SV2B: variants seen among roughly 807,000 people sequenced by gnomAD.
The protein encoded by SV2B is solute carrier family 22 member B2.
SV2B carries 41 observed loss-of-function variants against 73.9 expected under a neutral mutation model. That is an observed-to-expected ratio of 0.56 (90% confidence interval 0.43 to 0.72). SV2B has a LOEUF of 0.72. Among genes scored for constraint, SV2B ranks in the 30% least tolerant of loss-of-function variants. The probability of loss-of-function intolerance (pLI) is 0.00; values close to 1 mark genes in which losing one functional copy is unlikely to be tolerated. For synonymous variants in SV2B, 314 were observed against 314.2 expected, an observed-to-expected ratio of 1.00 and a Z score of 0.01; for missense variants, 764 against 857.8, an observed-to-expected ratio of 0.89 and a Z score of 1.37.
In SV2B at chr15:91,150,395, C is replaced by T. The variant is rs184354022; in HGVS notation, c.-392+50032C>T. On this transcript the variant is annotated intron_variant, in intron 1 of 12. Coordinates refer to ENST00000394232, the MANE Select transcript of SV2B (RefSeq NM_001323032.3). ...TATTCCTGAGTCAATCAAGTCAGCT[C>T]ATGCTGGGCTGAACCATATTCTTGA... Among the ~76,000 whole-genome samples the T allele has an allele frequency of 5.3e-5, 8 of 152,316 alleles. No homozygotes were observed. In the East Asian group the frequency reaches 1.5e-3, roughly 29 times the overall value.
At chr15:91,183,950 A>C (rs1273475243) in intron 1 of SV2B, among the ~76,000 whole-genome samples, 2 of 143,082 alleles carry the variant, frequency 1.4e-5, no homozygotes, top group African/African-American at 5.0e-5. Flanking sequence ...TGACACCCCA[A>C]ATAATCGCCT....
chr15:91,125,361 C>T (rs74038060), intron 1 of SV2B, among the ~76,000 whole-genome samples: 10,233 of 152,118 alleles, frequency 0.067, 403 homozygotes, highest in South Asian at 0.11. Context: ...GCACTCATGA[C>T]GTCACATGTT....
chr15:91,176,488 C>G (rs1026990564), intron 1 of SV2B, among the ~76,000 whole-genome samples: 2 of 152,100 alleles, frequency 1.3e-5, no homozygotes, highest in Non-Finnish European at 2.9e-5. Context: ...AAGGGTTGAA[C>G]TAGTTTACAG....
At chr15:91,134,198 A>C (rs779771883) in intron 1 of SV2B, among the ~76,000 whole-genome samples, 16 of 151,858 alleles carry the variant, frequency 1.1e-4, no homozygotes, top group Admixed American at 1.0e-3. Context: ...GGGTTTCACC[A>C]TGTTGGCCAG....
intron 1 of SV2B, among the ~76,000 whole-genome samples, chr15:91,145,227 T>G (rs1322920506): frequency 6.6e-6 from 1 of 152,176 alleles, no homozygotes; most frequent in Admixed American, 6.5e-5. Context: ...CACTTATAAG[T>G]GAGAATATGC....
At chr15:91,188,281 A>ATTTT (rs869237738) in intron 1 of SV2B, among the ~76,000 whole-genome samples, 68 of 132,872 alleles carry the variant, frequency 5.1e-4, no homozygotes, top group African/African-American at 1.1e-3. Context: ...AATGTTCCTT[A>ATTTT]TTTTTATTTA....
At chr15:91,164,001 C>A (rs895638514) in intron 1 of SV2B, among the ~76,000 whole-genome samples, 10 of 152,144 alleles carry the variant, frequency 6.6e-5, no homozygotes, top group Admixed American at 1.3e-4. Context: ...GTTTTCCCAG[C>A]ACCATTTATT....
At chr15:91,167,227 C>T (rs933654280) in intron 1 of SV2B, among the ~76,000 whole-genome samples, 1 of 152,162 alleles carries the variant, frequency 6.6e-6, no homozygotes, top group African/African-American at 2.4e-5. Context: ...CTGATAATCT[C>T]AACATCTGGT....
At position 91,141,032 on chromosome 15, in the gene SV2B, C is replaced by T. The variant is rs955239352; in HGVS notation, c.-392+40669C>T. 6.6e-6 allele frequency among the ~76,000 whole-genome samples: 1 copy of T among 152,204 alleles called. No individual in the cohort carries two copies. The highest frequency in any genetic ancestry group is 1.5e-5 in the Non-Finnish European group (1 of 68,026). On this transcript the variant is annotated intron_variant, in intron 1 of 12. Coordinates refer to ENST00000394232, the MANE Select transcript of SV2B (RefSeq NM_001323032.3). This position sits in a 1 kb window ranked among gnomAD's most constrained non-coding sequence, Gnocchi z 4.6. ...TGATGGAAGCCAGAAGTGCTACAAG[C>T]ACTCAGGTGGCAGGACTTATAGCTA... is the stretch of plus-strand genomic sequence containing the variant.
In SV2B at chr15:91,296,736, C is replaced by G. The variant is rs556570483; in HGVS notation, c.*4184C>G. On this transcript the variant is annotated 3_prime_UTR_variant, in exon 13 of 13. Transcript: ENST00000394232. ...TGGGCACACGCTCCTTCTGCCCGAT[C>G]ATGGGCACACGCTCCTTCTGCCCGA... 6.8e-6 allele frequency: 1 copy of G among 146,186 alleles called. No homozygotes were observed. Among genetic ancestry groups the G allele is most frequent in the African/African-American group, 2.6e-5 (1 of 38,342 alleles). 9.1% of individuals were successfully genotyped at this position (146,186 alleles called of 1,614,324 possible). A position where few individuals can be genotyped will look rare whatever the true frequency, so the allele number is the denominator to read the frequency against.
At chr15:91,212,859 A>G (rs1236501263) in intron 1 of SV2B, among the ~76,000 whole-genome samples, 1 of 151,552 alleles carries the variant, frequency 6.6e-6, no homozygotes, top group African/African-American at 2.4e-5. Flanking sequence ...TAAAAAGAGA[A>G]GCTGAGCACG....
chr15:91,217,690 T>C (rs1004041205), intron 1 of SV2B, among the ~76,000 whole-genome samples: 2 of 152,258 alleles, frequency 1.3e-5, no homozygotes, highest in Admixed American at 6.5e-5. Flanking sequence ...AATTCTGTTA[T>C]TATATATTAC....
At chr15:91,196,183 T>C (rs1449556162) in intron 1 of SV2B, among the ~76,000 whole-genome samples, 1 of 152,164 alleles carries the variant, frequency 6.6e-6, no homozygotes, top group Non-Finnish European at 1.5e-5. Flanking sequence ...AAAATCACAT[T>C]TGATGTGTTT....
chr15:91,101,433 C>T (rs149137360), intron 1 of SV2B, among the ~76,000 whole-genome samples: 1 of 152,170 alleles, frequency 6.6e-6, no homozygotes, highest in African/African-American at 2.4e-5. Context: ...ACTTACTGAG[C>T]ACTTAGTATT....
intron 1 of SV2B, among the ~76,000 whole-genome samples, chr15:91,112,500 A>C (rs2042064815): frequency 6.6e-6 from 1 of 152,230 alleles, no homozygotes; most frequent in South Asian, 2.1e-4. Flanking sequence ...GAGAGCATGG[A>C]AAGCATTTAA....
In SV2B at chr15:91,121,777, G is replaced by GT. The variant is rs537918580; in HGVS notation, c.-392+21429dup. ...AACCATCTATTTATATATTAATAGTGTTTTTTTTTTTTTTTGAGATGGAGT... is the reference window on the plus strand; with the variant it reads ...AACCATCTATTTATATATTAATAGTGTTTTTTTTTTTTTTTTGAGATGGAGT... On this transcript the variant is annotated intron_variant, in intron 1 of 12. Transcript: ENST00000394232. This position sits in a 1 kb window ranked among gnomAD's most constrained non-coding sequence, Gnocchi z 4.4. 0.075 allele frequency among the ~76,000 whole-genome samples: 10,437 copies of GT among 139,186 alleles called. 448 individuals are homozygous for GT. Among genetic ancestry groups the GT allele is most frequent in the Middle Eastern group, 0.13 (33 of 260 alleles). The allele number at this position is 139,186 out of a possible 152,430, so 91.3% of individuals were successfully genotyped here. A position where few individuals can be genotyped will look rare whatever the true frequency, so the allele number is the denominator to read the frequency against.
intron 1 of SV2B, among the ~76,000 whole-genome samples, chr15:91,212,443 G>A (rs1049637959): frequency 2.8e-4 from 42 of 152,174 alleles, no homozygotes; most frequent in African/African-American, 9.9e-4. Context: ...AGAGTCACTG[G>A]CCCCCATGTG....
In SV2B at chr15:91,241,496, C is replaced by G. The variant is rs1034874059; in HGVS notation, c.452-10323C>G. Among the ~76,000 whole-genome samples, 1 of 152,202 alleles carries G rather than the reference C, an allele frequency of 6.6e-6. No individual in the cohort carries two copies. The highest frequency in any genetic ancestry group is 1.5e-5 in the Non-Finnish European group (1 of 68,046). The stretch of plus-strand genomic sequence containing the variant: ...ATTTCCCTCATCCCTTCACACTCTC[C>G]TTGATGGTTATTTTGTGTCTTATCC... On this transcript the variant is annotated intron_variant, in intron 2 of 12. Coordinates refer to ENST00000394232, the MANE Select transcript of SV2B (RefSeq NM_001323032.3). This position sits in a 1 kb window ranked among gnomAD's most constrained non-coding sequence, Gnocchi z 4.8.
rs1218630114 is a variant in SV2B, at chr15:91,292,446, T to C, written c.1946T>C (p.Val649Ala). Residue 649 changes from valine to alanine, a missense_variant, in exon 13 of 13, where the codon GTT becomes GCT. Coordinates refer to ENST00000394232, the MANE Select transcript of SV2B (RefSeq NM_001323032.3). ...ILGNTIFASF[V>A]GITKVVPILL... ...GGAAACACCATCTTTGCTTCTTTTG[T>C]TGGGATAACCAAAGTGGTCCCCATC... 1 of 1,614,208 alleles carries C rather than the reference T, an allele frequency of 6.2e-7. No homozygotes were observed. The highest frequency in any genetic ancestry group is 8.5e-7 in the Non-Finnish European group (1 of 1,180,030).
Sources: allele counts gnomAD v4.1 joint callset (sites outside exome capture counted in the v4.1 genomes callset), GRCh38; gene constraint gnomAD v4.1.1; non-coding constraint Gnocchi (gnomAD v3.1); transcripts MANE v1.5; gene names NCBI Gene and HGNC (gene_info 2026-07-23, HGNC 2026-07-21).